The following PLEKHO1 variants were observed in gnomAD, a reference collection of about 807,000 sequenced individuals.
PLEKHO1 encodes pleckstrin homology domain containing O1, also known as pleckstrin homology domain-containing family O member 1.
A neutral mutation model predicts 41.4 loss-of-function variants in PLEKHO1; 22 were observed. The observed-to-expected ratio is 0.53, with a 90% CI of 0.38 to 0.76. The LOEUF (loss-of-function observed/expected upper bound fraction) is 0.76. Ranked by LOEUF, PLEKHO1 falls within the 30% of genes least tolerant of loss-of-function variation. The pLI is 0.00. For synonymous variants in PLEKHO1, 225 were observed against 210.8 expected, an observed-to-expected ratio of 1.07 and a Z score of -0.58; for missense variants, 488 against 518.3, an observed-to-expected ratio of 0.94 and a Z score of 0.57.
chr1:150,149,713 C>A (rs2101679435), upstream of PLEKHO1: 1 of 152,182 alleles, frequency 6.6e-6, no homozygotes, highest in Admixed American at 6.5e-5. Flanking sequence ...TCGCCCGAGC[C>A]GCCGCCGGAG....
rs1370240586 is a variant in PLEKHO1, at chr1:150,156,036, C to T, written c.178-30C>T. Reference sequence around the variant, plus strand: ...GGGTGGAGGGGCTAAATAATTTTATCCTCCTCACCTCACCCCAACCCTCCC... The same window carrying T: ...GGGTGGAGGGGCTAAATAATTTTATTCTCCTCACCTCACCCCAACCCTCCC... On this transcript the variant is annotated intron_variant, in intron 2 of 5. Coordinates refer to ENST00000369124, the MANE Select transcript of PLEKHO1 (RefSeq NM_016274.6). 6 of 1,597,606 alleles carry T rather than the reference C, an allele frequency of 3.8e-6. No homozygotes were observed. The African/African-American group carries it at 8.1e-5, about 22-fold the overall frequency.
chr1:150,157,019 A>T lies in PLEKHO1; in HGVS notation c.423+4A>T, dbSNP rs782728138. On this transcript the variant is annotated splice_donor_region_variant and intron_variant, in intron 4 of 5. Transcript: ENST00000369124. ...CAAGAACCGTATCTTGGATGAGGTC[A>T]GGGGGCTCACTGTGGGGAGAGGGAG... is the stretch of plus-strand genomic sequence containing the variant. The T allele has an allele frequency of 9.5e-6, 15 of 1,573,306 alleles. No homozygotes were observed. The highest frequency in any genetic ancestry group is 1.3e-5 in the Non-Finnish European group (15 of 1,142,752).
chr1:150,157,274 T>C (rs1660211966), intron 4 of PLEKHO1, 111 bp from the exon 5 acceptor site: 1 of 850,412 alleles, frequency 1.2e-6, no homozygotes. Flanking sequence ...GTAAATCCCC[T>C]TGCCCATTCA....
intron 4 of PLEKHO1, 141 bp downstream of exon 4, chr1:150,157,156 C>A: frequency 1.4e-6 from 1 of 702,006 alleles, no homozygotes; most frequent in Non-Finnish European, 2.6e-6. Context: ...TTTAAAAGCC[C>A]TGATCTCTTT....
In PLEKHO1 at chr1:150,159,043, G is replaced by A. The variant is rs1660303808; in HGVS notation, c.750G>A (p.Gly250=). The change falls in exon 6 of 6, where the codon GGG becomes GGA. Residue 250 remains glycine, a synonymous_variant. Coordinates refer to ENST00000369124, the MANE Select transcript of PLEKHO1 (RefSeq NM_016274.6). Reference sequence around the variant, plus strand: ...GACCTTGGGAAAAAACAGACAAAGGGGCCACCTACACCCCCCAGGCACCCA... The same window carrying A: ...GACCTTGGGAAAAAACAGACAAAGGAGCCACCTACACCCCCCAGGCACCCA... ...LSRPWEKTDK[G]ATYTPQAPKK... is the part of the protein sequence containing the mutation. The A allele has an allele frequency of 6.2e-7, 1 of 1,613,802 alleles. No individual in the cohort carries two copies. Among genetic ancestry groups the A allele is most frequent in the South Asian group, 1.1e-5 (1 of 91,066 alleles).
Position 150,150,197 on chromosome 1 carries a change from G to C in PLEKHO1, c.-61G>C. 1 of 898,910 alleles carries C rather than the reference G, an allele frequency of 1.1e-6. No homozygotes were observed. The highest frequency in any genetic ancestry group is 1.3e-6 in the Non-Finnish European group (1 of 744,298). The allele number at this position is 898,910 out of a possible 1,614,324, so 55.7% of individuals were successfully genotyped here. A position where few individuals can be genotyped will look rare whatever the true frequency, so the allele number is the denominator to read the frequency against. ...GCGGGGAAGGAGCCCCCGCGGTGCC[G>C]CCGAGGCCCCGACGCGGGGCCGCCC... On this transcript the variant is annotated 5_prime_UTR_variant, in exon 1 of 6. Coordinates refer to ENST00000369124, the MANE Select transcript of PLEKHO1 (RefSeq NM_016274.6).
At chr1:150,154,292 C>T (rs1196176721) in intron 2 of PLEKHO1, 2 of 152,316 alleles carry the variant, frequency 1.3e-5, no homozygotes, top group Non-Finnish European at 2.9e-5. Context: ...GGGAATTGCT[C>T]TTGGACACCC....
chr1:150,153,655 A>G (rs1553819685), intron 2 of PLEKHO1: 4 of 152,108 alleles, frequency 2.6e-5, no homozygotes, highest in African/African-American at 9.7e-5. Context: ...TCTGTGTTCG[A>G]TAGTAATCAT....
intron 5 of PLEKHO1, among the ~76,000 whole-genome samples, chr1:150,158,582 G>C (rs587619152): frequency 1.3e-5 from 2 of 151,948 alleles, no homozygotes; most frequent in African/African-American, 4.8e-5. Context: ...CCAGCTACTC[G>C]GGAGGCTGAG....
In PLEKHO1 at chr1:150,159,748, G is replaced by A. The variant is rs1660358392; in HGVS notation, c.*225G>A. The A allele has an allele frequency of 2.1e-6, 1 of 466,844 alleles. No homozygotes were observed. The highest frequency in any genetic ancestry group is 1.9e-5 in the African/African-American group (1 of 51,906). The allele number at this position is 466,844 out of a possible 1,614,324, so 28.9% of individuals were successfully genotyped here. A position where few individuals can be genotyped will look rare whatever the true frequency, so the allele number is the denominator to read the frequency against. ...AGTGACCCCGCAGCAGTAGCAGGAA[G>A]TTTTTACCCAGCCAGAGAGAGAGAA... On this transcript the variant is annotated 3_prime_UTR_variant, in exon 6 of 6. Transcript: ENST00000369124.
At chr1:150,150,340 C>G in intron 1 of PLEKHO1, 53 bp downstream of exon 1, 1 of 916,774 alleles carries the variant, frequency 1.1e-6, no homozygotes, top group Non-Finnish European at 1.3e-6. Context: ...CTCTGACGAC[C>G]CCCGCTCCGT....
At position 150,150,160 on chromosome 1, in the gene PLEKHO1, C is replaced by G. The variant is rs1476740071; in HGVS notation, c.-98C>G. 4.7e-6 allele frequency: 2 copies of G among 422,590 alleles called. No homozygotes were observed. Among genetic ancestry groups the G allele is most frequent in the Non-Finnish European group, 6.4e-6 (2 of 311,662 alleles). 26.2% of individuals were successfully genotyped at this position (422,590 alleles called of 1,614,324 possible). ...AGGAGCGGCGGCGCCGGGGCAGCTC[C>G]GACGCCCTCCCGCGGGGAAGGAGCC... On this transcript the variant is annotated 5_prime_UTR_variant, in exon 1 of 6. Transcript: ENST00000369124.
At position 150,159,493 on chromosome 1, in the gene PLEKHO1, G is replaced by T. The variant is rs587658515; in HGVS notation, c.1200G>T (p.Pro400=). 6.2e-7 allele frequency: 1 copy of T among 1,611,684 alleles called. No homozygotes were observed. The highest frequency in any genetic ancestry group is 1.1e-5 in the South Asian group (1 of 90,808). The change falls in exon 6 of 6, where the codon CCG becomes CCT. Residue 400 remains proline (P), a synonymous_variant. Coordinates refer to ENST00000369124, the MANE Select transcript of PLEKHO1 (RefSeq NM_016274.6). ...TPDSHLRQTT[P]HSQYRKSLM ...ACTCCCACCTCAGACAGACCACCCC[G>T]CACAGTCAGTACCGGAAGAGCCTGA... is the stretch of plus-strand genomic sequence containing the variant.
At chr1:150,157,089 G>A (rs1273329434) in intron 4 of PLEKHO1, 74 bp downstream of exon 4, 13 of 938,244 alleles carry the variant, frequency 1.4e-5, no homozygotes, top group Non-Finnish European at 1.8e-5. Flanking sequence ...TGAAGGGGGA[G>A]GATTGTGCAG....
At chr1:150,156,013 G>A (rs1660152909) in intron 2 of PLEKHO1, 53 bp from the exon 3 acceptor site, 2 of 1,530,166 alleles carry the variant, frequency 1.3e-6, no homozygotes, top group Non-Finnish European at 1.8e-6. Context: ...AACAGTCTGG[G>A]TGGAGGGGCT....
chr1:150,158,346 T>G (rs1416745484), intron 5 of PLEKHO1, among the ~76,000 whole-genome samples: 2 of 152,094 alleles, frequency 1.3e-5, no homozygotes, highest in Non-Finnish European at 2.9e-5. Context: ...CAAGTCACTA[T>G]CAAAGGAATA....
At chr1:150,153,680 A>C (rs1553819697) in intron 2 of PLEKHO1, 1 of 152,032 alleles carries the variant, frequency 6.6e-6, no homozygotes, top group Non-Finnish European at 1.5e-5. Flanking sequence ...TTCCTTCTCA[A>C]AGGGCATCCT....
upstream of PLEKHO1, chr1:150,149,906 T>TGGGCCGCCCACAGCGCACCGGGCC (rs1553818061): frequency 1.8e-4 from 27 of 150,908 alleles, no homozygotes; most frequent in African/African-American, 6.3e-4. Flanking sequence ...GGGTGCGGAC[T>TGGGCCGCCCACAGCGCACCGGGCC]GGGCCGCCCA....
chr1:150,150,375 C>A, intron 1 of PLEKHO1, 88 bp downstream of exon 1: 3 of 600,976 alleles, frequency 5.0e-6, no homozygotes, highest in Non-Finnish European at 6.3e-6. Context: ...CCTGGGAGAC[C>A]CACGGCCCGG....
Sources: allele counts gnomAD v4.1 joint callset (sites outside exome capture counted in the v4.1 genomes callset), GRCh38; gene constraint gnomAD v4.1.1; transcripts MANE v1.5; gene names NCBI Gene and HGNC (gene_info 2026-07-23, HGNC 2026-07-21).